NCAM2: variants seen among roughly 807,000 people sequenced by gnomAD.
NCAM2 encodes the protein neural cell adhesion molecule 2.
A neutral mutation model predicts 98.1 loss-of-function variants in NCAM2; 30 were observed. That is an observed-to-expected ratio of 0.31 (90% CI 0.23 to 0.41). The LOEUF (loss-of-function observed/expected upper bound fraction) is 0.41, where lower values mean the gene tolerates loss of function less well. Ranked by LOEUF, NCAM2 falls within the 10% of genes least tolerant of loss-of-function variation. NCAM2 has a pLI of 1.00. For synonymous variants in NCAM2, 368 were observed against 342.4 expected, an observed-to-expected ratio of 1.07 and a Z score of -0.83; for missense variants, 867 against 1,005.8, an observed-to-expected ratio of 0.86 and a Z score of 1.87.
intron 5 of NCAM2, among the ~76,000 whole-genome samples, chr21:21,323,981 G>A (rs909185614): frequency 3.9e-5 from 6 of 152,214 alleles, no homozygotes; most frequent in Admixed American, 3.9e-4. Flanking sequence ...ATGTAAGTTA[G>A]GGTGGTATTG....
intron 1 of NCAM2, among the ~76,000 whole-genome samples, chr21:21,031,055 A>G (rs1409115907): frequency 6.6e-6 from 1 of 152,164 alleles, no homozygotes; most frequent in Non-Finnish European, 1.5e-5. Flanking sequence ...AAATACTTGA[A>G]CTGCATAGTA....
chr21:21,103,876 C>G (rs1360232557), intron 1 of NCAM2, among the ~76,000 whole-genome samples: 1 of 151,970 alleles, frequency 6.6e-6, no homozygotes, highest in Non-Finnish European at 1.5e-5. Context: ...GAGAAACATG[C>G]AGAGTTTAAA....
chr21:21,368,580 C>T (rs901649106), intron 8 of NCAM2, among the ~76,000 whole-genome samples: 1 of 151,844 alleles, frequency 6.6e-6, no homozygotes, highest in Non-Finnish European at 1.5e-5. Flanking sequence ...TTGAGGTGTG[C>T]TGAGGGCTCA....
At chr21:21,514,150 T>G (rs1988566591) in intron 16 of NCAM2, among the ~76,000 whole-genome samples, 1 of 150,720 alleles carries the variant, frequency 6.6e-6, no homozygotes, top group African/African-American at 2.4e-5. Context: ...AAATTTATAT[T>G]TATAATAAAA....
chr21:21,400,118 A>G (rs1486790719), intron 9 of NCAM2, among the ~76,000 whole-genome samples: 3 of 152,172 alleles, frequency 2.0e-5, no homozygotes, highest in African/African-American at 7.2e-5. Context: ...GGTGTCTCCT[A>G]GTATGGAAAG....
chr21:21,255,680 T>G (rs1401588011), intron 1 of NCAM2, among the ~76,000 whole-genome samples: 1 of 152,186 alleles, frequency 6.6e-6, no homozygotes, highest in Non-Finnish European at 1.5e-5. Flanking sequence ...TGGCAGAGTT[T>G]TCCATCTTTT....
chr21:21,142,377 G>GT (rs10686568), intron 1 of NCAM2, among the ~76,000 whole-genome samples: 3,052 of 107,090 alleles, frequency 0.028, 293 homozygotes, highest in African/African-American at 0.057. Context: ...TTTTTTTTAT[G>GT]TTTTTTTTTT....
At chr21:21,123,414 G>C (rs199929977) in intron 1 of NCAM2, among the ~76,000 whole-genome samples, 1 of 146,698 alleles carries the variant, frequency 6.8e-6, no homozygotes, top group Non-Finnish European at 1.5e-5. Flanking sequence ...AAAAAAAAAA[G>C]TTTTGCTATG....
chr21:21,347,811 A>G (rs891254881), intron 8 of NCAM2, among the ~76,000 whole-genome samples: 1 of 151,906 alleles, frequency 6.6e-6, no homozygotes, highest in South Asian at 2.1e-4. Context: ...CCTTGGGTCA[A>G]CATATAAAAT....
At chr21:21,129,131 T>A (rs1171385404) in intron 1 of NCAM2, among the ~76,000 whole-genome samples, 1 of 152,180 alleles carries the variant, frequency 6.6e-6, no homozygotes, top group African/African-American at 2.4e-5. Flanking sequence ...TGTGGCAAGT[T>A]TATTGATCAT....
intron 5 of NCAM2, among the ~76,000 whole-genome samples, chr21:21,293,200 A>G (rs1353692931): frequency 1.3e-5 from 2 of 151,928 alleles, no homozygotes; most frequent in African/African-American, 4.8e-5. Flanking sequence ...CTAATCTGTT[A>G]TGAAGACATA....
intron 1 of NCAM2, among the ~76,000 whole-genome samples, chr21:21,161,273 G>A (rs908400930): frequency 2.6e-5 from 4 of 151,684 alleles, no homozygotes; most frequent in Non-Finnish European, 5.9e-5. Context: ...ATTTTAAGAC[G>A]GAAAAAGGAC....
At chr21:21,003,095 A>G (rs192691075) in intron 1 of NCAM2, among the ~76,000 whole-genome samples, 1 of 152,264 alleles carries the variant, frequency 6.6e-6, no homozygotes, top group Admixed American at 6.5e-5. Flanking sequence ...ATTTACAGTT[A>G]TAATAAGAGT....
rs566868282 is a variant in NCAM2 at position 21,247,328 on chromosome 21, C to A, written c.56-33250C>A. ...AGCAAGACTCCGTCTCAAACAACAA[C>A]AACAACAAACTTTAATTAAACAGAG... On this transcript the variant is annotated intron_variant, in intron 1 of 17. Transcript: ENST00000400546. 5.3e-5 allele frequency among the ~76,000 whole-genome samples: 8 copies of A among 152,222 alleles called. No homozygotes were observed. The East Asian group carries it at 1.4e-3, about 26-fold the overall frequency.
At chr21:21,336,499 G>C (rs2074873637) in intron 7 of NCAM2, among the ~76,000 whole-genome samples, 1 of 151,848 alleles carries the variant, frequency 6.6e-6, no homozygotes, top group Non-Finnish European at 1.5e-5. Context: ...ACACCAACAT[G>C]GCACATGTAT....
In NCAM2 at chr21:21,410,425, A is replaced by G. The variant is rs770817921; in HGVS notation, c.1347A>G (p.Leu449=). Residue 449 remains leucine, a synonymous_variant, in exon 10 of 18, where the codon TTA becomes TTG. Coordinates refer to ENST00000400546, the MANE Select transcript of NCAM2 (RefSeq NM_004540.5). The stretch of plus-strand genomic sequence containing the variant: ...TACCTGCTAAAAACACGACCAATTT[A>G]AAGACTTATAGTACAGGAAGAAAGA... ...LVLPAKNTTN[L]KTYSTGRKMI... is the part of the protein sequence containing the mutation. 3.8e-6 allele frequency: 6 copies of G among 1,590,060 alleles called. No individual in the cohort carries two copies. Among genetic ancestry groups the G allele is most frequent in the African/African-American group, 2.7e-5 (2 of 74,002 alleles).
At chr21:21,476,087 G>A (rs760906778) in intron 14 of NCAM2, among the ~76,000 whole-genome samples, 104 of 152,128 alleles carry the variant, frequency 6.8e-4, no homozygotes, top group Middle Eastern at 3.4e-3. Context: ...AGAATACATC[G>A]TTATTCTTTA....
In NCAM2 at chr21:21,515,899, C is replaced by G. The variant is rs538638614; in HGVS notation, c.2282+6844C>G. ...ACGGCAATTTTAGAGTTTTTGTATT[C>G]CTTGCCTATAAAAATAGACCATGGG... On this transcript the variant is annotated intron_variant, in intron 16 of 17. Coordinates refer to ENST00000400546, the MANE Select transcript of NCAM2 (RefSeq NM_004540.5). Among the ~76,000 whole-genome samples, 208 of 152,042 alleles carry G rather than the reference C, an allele frequency of 1.4e-3. 1 individual carries two copies. The highest frequency in any genetic ancestry group is 2.1e-3 in the Non-Finnish European group (143 of 67,968).
chr21:21,009,470 G>T (rs539074575), intron 1 of NCAM2, among the ~76,000 whole-genome samples: 3 of 151,882 alleles, frequency 2.0e-5, no homozygotes, highest in Admixed American at 1.3e-4. Context: ...AACTGAAATC[G>T]TTCTGTAAGA....
Sources: allele counts gnomAD v4.1 joint callset (sites outside exome capture counted in the v4.1 genomes callset), GRCh38; gene constraint gnomAD v4.1.1; transcripts MANE v1.5; gene names NCBI Gene and HGNC (gene_info 2026-07-23, HGNC 2026-07-21).